MYO7A: variants seen among roughly 807,000 people sequenced by gnomAD.
MYO7A encodes myosin VIIA.
MYO7A carries 210 observed loss-of-function variants against 263.8 expected under a neutral mutation model. That is an observed-to-expected ratio of 0.80 (90% CI 0.71 to 0.89). The LOEUF (loss-of-function observed/expected upper bound fraction) is 0.89. MYO7A is among the 40% of genes least tolerant of loss of function. The probability of loss-of-function intolerance (pLI) is 0.00; values close to 1 mark genes in which losing one functional copy is unlikely to be tolerated. For synonymous variants in MYO7A, 1,239 were observed against 1,197.3 expected (o/e 1.03, Z -0.72); for missense variants, 2,820 against 2,968.3 (o/e 0.95, Z 1.16).
chr11:77,160,381 C>T, intron 11 of MYO7A, 99 bp downstream of exon 11: 1 of 1,460,302 alleles, frequency 6.8e-7, no homozygotes, highest in South Asian at 1.4e-5. Flanking sequence ...GGGTAGACAT[C>T]TGGGTCGCCA....
intron 5 of MYO7A, among the ~76,000 whole-genome samples, 152 bp downstream of exon 5, chr11:77,156,243 A>C (rs1013858974): frequency 1.3e-5 from 2 of 152,198 alleles, no homozygotes; most frequent in African/African-American, 4.8e-5. Context: ...GCTGTGTAAC[A>C]ATGTAGAAAA....
chr11:77,190,265 C>T, intron 29 of MYO7A, 126 bp downstream of exon 29: 6 of 1,015,270 alleles, frequency 5.9e-6, no homozygotes, highest in Admixed American at 3.2e-5. Context: ...TGTGGTTCCT[C>T]AGACACCTAC....
At position 77,204,460 on chromosome 11, in the gene MYO7A, A is replaced by G. The variant is rs112626992; in HGVS notation, c.5480+231A>G. 8.3e-3 allele frequency among the ~76,000 whole-genome samples: 1,260 copies of G among 152,326 alleles called. 8 individuals are homozygous for G. The highest frequency in any genetic ancestry group is 0.029 in the African/African-American group (1,193 of 41,578). ...TCCTTTGAGTCTGTCCTCTAAGGGTAACAGCCCCAGCTCCTCCTAACGTTT... is the reference window on the plus strand; with the variant it reads ...TCCTTTGAGTCTGTCCTCTAAGGGTGACAGCCCCAGCTCCTCCTAACGTTT... On this transcript the variant is annotated intron_variant, in intron 39 of 48. Transcript: ENST00000409709.
chr11:77,200,637 A>G (rs1012426695), intron 35 of MYO7A, among the ~76,000 whole-genome samples: 4 of 152,212 alleles, frequency 2.6e-5, no homozygotes, highest in Non-Finnish European at 5.9e-5. Flanking sequence ...TGGCCTTGGC[A>G]CTCAAGGCTG....
intron 2 of MYO7A, among the ~76,000 whole-genome samples, chr11:77,141,243 G>A (rs1951190524): frequency 6.6e-6 from 1 of 152,212 alleles, no homozygotes; most frequent in Admixed American, 6.5e-5. Flanking sequence ...ATGGGAACAA[G>A]AGGAGGCTGA....
chr11:77,153,733 C>T (rs1329713335), intron 4 of MYO7A, among the ~76,000 whole-genome samples: 1 of 152,162 alleles, frequency 6.6e-6, no homozygotes, highest in Admixed American at 6.5e-5. Context: ...AGCAGACCTC[C>T]TAAATGTCAC....
intron 4 of MYO7A, among the ~76,000 whole-genome samples, chr11:77,151,502 G>A (rs782195288): frequency 6.6e-6 from 1 of 152,182 alleles, no homozygotes; most frequent in Non-Finnish European, 1.5e-5. Flanking sequence ...CCTGGAGGAG[G>A]TGAAATTGAT....
rs924986929 is a variant in MYO7A, at chr11:77,215,011, C to G, written c.*315C>G. ...GTTTCAGACCAGCCCCACCATGCAA[C>G]TTCCTTTGACTTTCTGTGTACCACT... On this transcript the variant is annotated 3_prime_UTR_variant, in exon 49 of 49. Transcript: ENST00000409709. 3.3e-5 allele frequency: 11 copies of G among 331,476 alleles called. No individual in the cohort carries two copies. Among genetic ancestry groups the G allele is most frequent in the Non-Finnish European group, 6.2e-5 (11 of 178,484 alleles). The allele number at this position is 331,476 out of a possible 1,614,324, so 20.5% of individuals were successfully genotyped here. A position where few individuals can be genotyped will look rare whatever the true frequency, so the allele number is the denominator to read the frequency against.
chr11:77,174,839 C>A lies in MYO7A; in HGVS notation c.2019C>A (p.Pro673=). ...TCCGAATCCGCCGAGCTGGCTACCC[C>A]ATCCGCTACAGCTTCGTAGAGTTTG... is the stretch of plus-strand genomic sequence containing the variant. ...ETIRIRRAGY[P]IRYSFVEFVE... The change falls in exon 17 of 49, where the codon CCC becomes CCA. Residue 673 remains proline, a synonymous_variant. Coordinates refer to ENST00000409709, the MANE Select transcript of MYO7A (RefSeq NM_000260.4). 1 of 1,613,694 alleles carries A rather than the reference C, an allele frequency of 6.2e-7. No homozygotes were observed. Among genetic ancestry groups the A allele is most frequent in the Non-Finnish European group, 8.5e-7 (1 of 1,179,868 alleles).
rs537186225 is a variant in MYO7A at position 77,157,073 on chromosome 11, C to T, written c.735+69C>T. 4.4e-4 allele frequency: 687 copies of T among 1,565,274 alleles called. 1 individual carries two copies. The highest frequency in any genetic ancestry group is 5.7e-4 in the Non-Finnish European group (658 of 1,154,964). On this transcript the variant is annotated intron_variant, in intron 7 of 48. Coordinates refer to ENST00000409709, the MANE Select transcript of MYO7A (RefSeq NM_000260.4). ...GGCCTCAGGGGTCTGCGTGGCCCAC[C>T]TGCCCGTATTGCTGCCCGTATTGCT...
Position 77,211,892 on chromosome 11 carries a change from C to G in MYO7A, c.6309C>G (p.Leu2103=). Residue 2103 remains leucine (L), a synonymous_variant, in exon 46 of 49, where the codon CTC becomes CTG. Coordinates refer to ENST00000409709, the MANE Select transcript of MYO7A (RefSeq NM_000260.4). The stretch of plus-strand genomic sequence containing the variant: ...AGGCCAAGCTGGCCTTCCTGAAGCT[C>G]ATCTTCAAGTGGCCCACCTTTGGCT... ...KEEAKLAFLK[L]IFKWPTFGSA... is the part of the protein sequence containing the mutation. The G allele has an allele frequency of 6.2e-7, 1 of 1,613,990 alleles. No homozygotes were observed. Among genetic ancestry groups the G allele is most frequent in the Non-Finnish European group, 8.5e-7 (1 of 1,179,872 alleles).
chr11:77,171,906 C>T (rs1267916449), intron 15 of MYO7A, among the ~76,000 whole-genome samples: 1 of 152,212 alleles, frequency 6.6e-6, no homozygotes, highest in Non-Finnish European at 1.5e-5. Flanking sequence ...CAGGGAGGCG[C>T]AGGGGGCTCG....
intron 26 of MYO7A, among the ~76,000 whole-genome samples, chr11:77,183,585 T>C (rs574898258): frequency 1.2e-4 from 18 of 152,312 alleles, no homozygotes; most frequent in African/African-American, 2.9e-4. Context: ...TTGCCTTTTC[T>C]GGGCACTGTC....
chr11:77,198,414 C>T (rs1591453930), intron 33 of MYO7A, 81 bp from the exon 34 acceptor site: 3 of 1,556,708 alleles, frequency 1.9e-6, no homozygotes, highest in East Asian at 4.5e-5. Context: ...TGTATTGCCA[C>T]CTGCCTGGCC....
At chr11:77,205,435 T>A (rs1168144275) in intron 39 of MYO7A, 27 bp from the exon 40 acceptor site, 1 of 1,549,088 alleles carries the variant, frequency 6.5e-7, no homozygotes, top group Admixed American at 2.0e-5. Context: ...CAGCTGCCCC[T>A]GCTGGAGCCC....
chr11:77,171,073 C>T (rs1591329985), intron 15 of MYO7A, among the ~76,000 whole-genome samples: 1 of 152,218 alleles, frequency 6.6e-6, no homozygotes, highest in East Asian at 1.9e-4. Context: ...AAGAGGCAGA[C>T]GCATCCTGTC....
intron 15 of MYO7A, among the ~76,000 whole-genome samples, chr11:77,166,958 C>T (rs930325231): frequency 2.6e-5 from 4 of 152,188 alleles, no homozygotes; most frequent in East Asian, 1.9e-4. Context: ...GGTTATTCAT[C>T]GGGTACTCTG....
chr11:77,201,624 C>A lies in MYO7A; in HGVS notation c.5029C>A (p.Pro1677Thr), dbSNP rs535102352. Residue 1677 changes from proline (P) to threonine (T), a missense_variant, in exon 36 of 49, where the codon CCG (proline) becomes ACG (threonine). Coordinates refer to ENST00000409709, the MANE Select transcript of MYO7A (RefSeq NM_000260.4). ...VYVMPTVTMP[P>T]REIVALVTMT... The stretch of plus-strand genomic sequence containing the variant: ...CGTCATGCCCACTGTCACCATGCCA[C>A]CGCGGGAGATTGTGGTATGTGGCCT... 6.2e-7 allele frequency: 1 copy of A among 1,613,380 alleles called. No homozygotes were observed. Among genetic ancestry groups the A allele is most frequent in the African/African-American group, 1.3e-5 (1 of 75,036 alleles).
At position 77,155,949 on chromosome 11, in the gene MYO7A, C is replaced by G; in HGVS notation, c.328C>G (p.Leu110Val). The change falls in exon 5 of 49, where the codon CTG becomes GTG. Residue 110 changes from leucine (L) to valine (V), a missense_variant. Transcript: ENST00000409709. ...CCTGGTGGCTGTGAACCCCTACCAG[C>G]TGCTCTCCATCTACTCGCCAGAGCA... The part of the protein sequence containing the change: ...SILVAVNPYQ[L>V]LSIYSPEHIR... The G allele has an allele frequency of 6.2e-7, 1 of 1,611,866 alleles. No individual in the cohort carries two copies. Among genetic ancestry groups the G allele is most frequent in the Non-Finnish European group, 8.5e-7 (1 of 1,178,896 alleles).
Sources: allele counts gnomAD v4.1 joint callset (sites outside exome capture counted in the v4.1 genomes callset), GRCh38; gene constraint gnomAD v4.1.1; transcripts MANE v1.5; gene names NCBI Gene and HGNC (gene_info 2026-07-23, HGNC 2026-07-21).